The following SVBP variants were observed in gnomAD, a reference collection of about 807,000 sequenced individuals.
SVBP encodes small vasohibin binding protein, also known as small vasohibin-binding protein.
In SVBP, 9 loss-of-function variants were observed where a neutral mutation model predicts 9.2. The observed-to-expected ratio is 0.98, with a 90% CI of 0.59 to 1.71. The LOEUF is 1.71. Among genes scored for constraint, SVBP ranks in the 40% most tolerant of loss-of-function variants. The pLI, the probability that SVBP is intolerant of heterozygous loss-of-function variation, is 0.00. For missense variants in SVBP, 63 were observed against 73.2 expected (o/e 0.86, Z 0.51); for synonymous variants, 27 against 23.9 (o/e 1.13, Z -0.37).
At chr1:42,816,375 T>C in intron 2 of SVBP, 56 bp downstream of exon 2, 1 of 1,244,594 alleles carries the variant, frequency 8.0e-7, no homozygotes, top group Admixed American at 1.8e-5. Context: ...TGTTTCTCTA[T>C]TCCAGCATCA....
rs926282738 is a variant in SVBP at position 42,807,179 on chromosome 1, C to CA, written c.*234dup. On this transcript the variant is annotated 3_prime_UTR_variant, in exon 3 of 3. Transcript: ENST00000372521. ...TTTTTTTTTTTTTTTTAAAAAAACC[C>CA]AAAAAACAAAACCACTGTCTTAGAA... 2.1e-4 allele frequency: 63 copies of CA among 301,368 alleles called. No homozygotes were observed. The highest frequency in any genetic ancestry group is 3.2e-4 in the Non-Finnish European group (53 of 166,568). The allele number at this position is 301,368 out of a possible 1,614,324, so 18.7% of individuals were successfully genotyped here. A position where few individuals can be genotyped will look rare whatever the true frequency, so the allele number is the denominator to read the frequency against.
chr1:42,813,071 T>C (rs1654113422), intron 2 of SVBP, among the ~76,000 whole-genome samples: 1 of 152,158 alleles, frequency 6.6e-6, no homozygotes, highest in African/African-American at 2.4e-5. Flanking sequence ...CAAATCCTCT[T>C]GTCTTTTAAA....
chr1:42,809,627 A>G (rs1051785014), intron 2 of SVBP, among the ~76,000 whole-genome samples: 1 of 152,232 alleles, frequency 6.6e-6, no homozygotes, highest in Non-Finnish European at 1.5e-5. Context: ...AATGATCCAA[A>G]CTGACTAGAA....
At chr1:42,810,549 AAATTAAATAGCTTC>A in intron 2 of SVBP, among the ~76,000 whole-genome samples, 1 of 152,280 alleles carries the variant, frequency 6.6e-6, no homozygotes, top group South Asian at 2.1e-4. Flanking sequence ...ACTGAGATGC[AAATTAAATAGCTTC>A]TCAGAGACCT....
chr1:42,812,649 A>T (rs937437377), intron 2 of SVBP, among the ~76,000 whole-genome samples: 25 of 152,172 alleles, frequency 1.6e-4, no homozygotes, highest in African/African-American at 6.0e-4. Context: ...TGATTAGTTT[A>T]TCTGGAAAAA....
In SVBP at chr1:42,817,332, G is replaced by A. The variant is rs941661741; in HGVS notation, c.-179C>T. On this transcript the variant is annotated 5_prime_UTR_variant, in exon 1 of 3. Coordinates refer to ENST00000372521, the MANE Select transcript of SVBP (RefSeq NM_199342.4). ...CTCGTCCTGGGCGGGGCCGCGCGCC[G>A]GGGGGAGGGGCGCAGGGCCGAGCGC... 5.9e-6 allele frequency: 6 copies of A among 1,014,492 alleles called. No homozygotes were observed. The highest frequency in any genetic ancestry group is 1.6e-5 in the South Asian group (1 of 61,402). 62.8% of individuals were successfully genotyped at this position (1,014,492 alleles called of 1,614,324 possible).
Position 42,817,312 on chromosome 1 carries a change from C to T in SVBP, c.-159G>A, listed in dbSNP as rs1331893378. On this transcript the variant is annotated 5_prime_UTR_variant, in exon 1 of 3. Coordinates refer to ENST00000372521, the MANE Select transcript of SVBP (RefSeq NM_199342.4). Reference sequence around the variant, plus strand: ...GCGCTGCCTGCCCACCGCCCCTCGTCCTGGGCGGGGCCGCGCGCCGGGGGG... The same window carrying T: ...GCGCTGCCTGCCCACCGCCCCTCGTTCTGGGCGGGGCCGCGCGCCGGGGGG... 14 of 1,167,152 alleles carry T rather than the reference C, an allele frequency of 1.2e-5. No homozygotes were observed. The highest frequency in any genetic ancestry group is 5.7e-5 in the Admixed American group (2 of 35,218). 72.3% of individuals were successfully genotyped at this position (1,167,152 alleles called of 1,614,324 possible).
At position 42,817,227 on chromosome 1, in the gene SVBP, C is replaced by T; in HGVS notation, c.-74G>A. 1 of 1,256,012 alleles carries T rather than the reference C, an allele frequency of 8.0e-7. No homozygotes were observed. The highest frequency in any genetic ancestry group is 1.0e-6 in the Non-Finnish European group (1 of 973,840). The allele number at this position is 1,256,012 out of a possible 1,614,324, so 77.8% of individuals were successfully genotyped here. A position where few individuals can be genotyped will look rare whatever the true frequency, so the allele number is the denominator to read the frequency against. On this transcript the variant is annotated 5_prime_UTR_variant, in exon 1 of 3. Coordinates refer to ENST00000372521, the MANE Select transcript of SVBP (RefSeq NM_199342.4). The stretch of plus-strand genomic sequence containing the variant: ...GGCCACTGGAAGTTGGAGCCTCCGC[C>T]GAGTCGCAGACAACGCCTCCGGGAG...
intron 2 of SVBP, among the ~76,000 whole-genome samples, chr1:42,812,599 A>G (rs2124249093): frequency 1.3e-5 from 2 of 152,354 alleles, no homozygotes; most frequent in South Asian, 4.1e-4. Context: ...AATGCATCTA[A>G]TGACAAATTT....
chr1:42,808,138 T>C (rs1439176439), intron 2 of SVBP, among the ~76,000 whole-genome samples: 1 of 37,382 alleles, frequency 2.7e-5, no homozygotes, highest in Non-Finnish European at 5.0e-5. Flanking sequence ...GAATATAGTG[T>C]GTGTGTGTGT....
At position 42,807,144 on chromosome 1, in the gene SVBP, T is replaced by C. The variant is rs988306328; in HGVS notation, c.*270A>G. The C allele has an allele frequency of 1.1e-5, 3 of 271,940 alleles. No individual in the cohort carries two copies. Among genetic ancestry groups the C allele is most frequent in the Non-Finnish European group, 1.9e-5 (3 of 154,502 alleles). 16.8% of individuals were successfully genotyped at this position (271,940 alleles called of 1,614,324 possible). A position where few individuals can be genotyped will look rare whatever the true frequency, so the allele number is the denominator to read the frequency against. On this transcript the variant is annotated 3_prime_UTR_variant, in exon 3 of 3. Transcript: ENST00000372521. ...TTCTCAAACAATAGAAAAAGTGTTT[T>C]TTGTGTGTGTTTTTTTTTTTTTTTT...
At chr1:42,812,401 T>C (rs1287153653) in intron 2 of SVBP, among the ~76,000 whole-genome samples, 1 of 152,228 alleles carries the variant, frequency 6.6e-6, no homozygotes, top group Non-Finnish European at 1.5e-5. Context: ...TTCTTGTTGC[T>C]CTTAAATGAG....
intron 2 of SVBP, among the ~76,000 whole-genome samples, chr1:42,815,010 C>T (rs1255495798): frequency 6.6e-6 from 1 of 152,022 alleles, no homozygotes; most frequent in African/African-American, 2.4e-5. Flanking sequence ...AAATGTGGCA[C>T]ATATACACCA....
chr1:42,807,692 G>A (rs1653989969), intron 2 of SVBP, among the ~76,000 whole-genome samples, 192 bp from the exon 3 acceptor site: 2 of 151,984 alleles, frequency 1.3e-5, no homozygotes, highest in African/African-American at 4.8e-5. Flanking sequence ...AGTGATGCAG[G>A]TGGCTTGATT....
intron 2 of SVBP, among the ~76,000 whole-genome samples, chr1:42,814,231 C>A (rs1252551691): frequency 6.7e-6 from 1 of 149,230 alleles, no homozygotes; most frequent in African/African-American, 2.5e-5. Flanking sequence ...ACAGGGAGCA[C>A]CACCACGCCC....
chr1:42,809,501 T>C (rs559168722), intron 2 of SVBP, among the ~76,000 whole-genome samples: 1 of 152,094 alleles, frequency 6.6e-6, no homozygotes, highest in Non-Finnish European at 1.5e-5. Context: ...ATAAACATTA[T>C]TAGGAACTAG....
At chr1:42,808,416 C>T (rs945407692) in intron 2 of SVBP, among the ~76,000 whole-genome samples, 1 of 140,514 alleles carries the variant, frequency 7.1e-6, no homozygotes, top group Non-Finnish European at 1.5e-5. Flanking sequence ...GCTATATATA[C>T]TGTATACAGT....
chr1:42,817,161 C>G (rs906701563), intron 1 of SVBP, 29 bp downstream of exon 1: 3 of 1,204,382 alleles, frequency 2.5e-6, no homozygotes, highest in Admixed American at 2.9e-5. Context: ...TCGCTGGAGC[C>G]GCCGACCAAG....
chr1:42,808,128 G>C (rs1653998497), intron 2 of SVBP, among the ~76,000 whole-genome samples: 1 of 109,868 alleles, frequency 9.1e-6, no homozygotes, highest in South Asian at 3.8e-4. Flanking sequence ...GGAGCAATGT[G>C]AATATAGTGT....
Sources: gnomAD v4.1 joint callset for allele counts (sites outside exome capture counted in the v4.1 genomes callset) on GRCh38, gnomAD v4.1.1 for gene constraint, MANE v1.5 for transcripts, NCBI Gene and HGNC (gene_info 2026-07-23, HGNC 2026-07-21) for gene names.